The following APLF variants were observed in gnomAD, a reference collection of about 807,000 sequenced individuals.
APLF encodes the protein aprataxin and PNKP like factor, also known as aprataxin and PNK-like factor.
APLF carries 61 observed loss-of-function variants against 55.6 expected under a neutral mutation model. That is an observed-to-expected ratio of 1.10 (90% confidence interval 0.89 to 1.36). The LOEUF (loss-of-function observed/expected upper bound fraction) is 1.36, where lower values mean the gene tolerates loss of function less well. APLF is among the 40% of genes most tolerant of loss of function. The probability of loss-of-function intolerance (pLI) is 0.00; values close to 1 mark genes in which losing one functional copy is unlikely to be tolerated. For missense variants in APLF, 611 were observed against 602.5 expected, an observed-to-expected ratio of 1.01 and a Z score of -0.15; for synonymous variants, 207 against 214.8, an observed-to-expected ratio of 0.96 and a Z score of 0.32.
At position 68,502,124 on chromosome 2, in the gene APLF, A is replaced by G. The variant is rs145646923; in HGVS notation, c.169-607A>G. On this transcript the variant is annotated intron_variant, in intron 2 of 9. Coordinates refer to ENST00000303795, the MANE Select transcript of APLF (RefSeq NM_173545.3). Reference sequence around the variant, plus strand: ...CCGAGATAATGAATCCACTCTTGTGATAATGTCATTAATCCATTCATGAGG... The same window carrying G: ...CCGAGATAATGAATCCACTCTTGTGGTAATGTCATTAATCCATTCATGAGG... Among the ~76,000 whole-genome samples the G allele has an allele frequency of 3.3e-3, 510 of 152,274 alleles. 5 individuals carry two copies. Among genetic ancestry groups the G allele is most frequent in the Middle Eastern group, 3.4e-3 (1 of 294 alleles).
Position 68,485,171 on chromosome 2 carries a change from G to A in APLF, c.97-5019G>A, listed in dbSNP as rs141662579. Among the ~76,000 whole-genome samples, 657 of 151,892 alleles carry A rather than the reference G, an allele frequency of 4.3e-3. 3 individuals are homozygous for A. The highest frequency in any genetic ancestry group is 0.015 in the African/African-American group (622 of 41,360). On this transcript the variant is annotated intron_variant, in intron 1 of 9. Coordinates refer to ENST00000303795, the MANE Select transcript of APLF (RefSeq NM_173545.3). ...TATCCCATACTCGGTTTTGTACATC[G>A]TTTTCAATAATGCACTTTTTGCATT...
At chr2:68,566,418 G>A (rs1167048677) in intron 8 of APLF, among the ~76,000 whole-genome samples, 2 of 152,062 alleles carry the variant, frequency 1.3e-5, no homozygotes, top group Admixed American at 6.6e-5. Flanking sequence ...GGGCAAGAAT[G>A]TGTATCTGGT....
intron 9 of APLF, among the ~76,000 whole-genome samples, chr2:68,577,020 A>T (rs1671645408): frequency 1.3e-5 from 2 of 152,152 alleles, no homozygotes; most frequent in Non-Finnish European, 2.9e-5. Context: ...TTGGAGACAG[A>T]AGAATTCTAG....
In APLF at chr2:68,467,593, C is replaced by G. The variant is rs1029971686; in HGVS notation, c.-139C>G. ...CGCTGGGGCCGGGCTCTGAGAGGAC[C>G]GGCGCAGCCGCGGGGAGCCTTTGAG... is the stretch of plus-strand genomic sequence containing the variant. On this transcript the variant is annotated 5_prime_UTR_variant, in exon 1 of 10. Coordinates refer to ENST00000303795, the MANE Select transcript of APLF (RefSeq NM_173545.3). 4.9e-6 allele frequency: 3 copies of G among 617,848 alleles called. No homozygotes were observed. Among genetic ancestry groups the G allele is most frequent in the African/African-American group, 3.8e-5 (2 of 52,510 alleles). The allele number at this position is 617,848 out of a possible 1,614,324, so 38.3% of individuals were successfully genotyped here. A position where few individuals can be genotyped will look rare whatever the true frequency, so the allele number is the denominator to read the frequency against.
At chr2:68,512,450 A>G (rs1268291088) in intron 3 of APLF, among the ~76,000 whole-genome samples, 2 of 151,818 alleles carry the variant, frequency 1.3e-5, no homozygotes, top group Non-Finnish European at 2.9e-5. Context: ...TCGTTGGATC[A>G]TGTCTATGCA....
intron 6 of APLF, among the ~76,000 whole-genome samples, chr2:68,530,035 G>A (rs1456870372): frequency 5.3e-5 from 8 of 152,328 alleles, no homozygotes; most frequent in South Asian, 2.1e-4. Context: ...AAGAGAGGAC[G>A]CGGTGCCCTG....
intron 5 of APLF, among the ~76,000 whole-genome samples, chr2:68,518,450 A>G (rs1453848233): frequency 2.6e-5 from 3 of 113,670 alleles, no homozygotes; most frequent in East Asian, 2.5e-4. Flanking sequence ...ATAATAATAT[A>G]TTATATATTA....
At chr2:68,561,511 A>G (rs911437023) in intron 8 of APLF, among the ~76,000 whole-genome samples, 8 of 152,136 alleles carry the variant, frequency 5.3e-5, no homozygotes, top group Non-Finnish European at 7.4e-5. Context: ...TTGATTGACT[A>G]GAGCTAAGTG....
intron 5 of APLF, among the ~76,000 whole-genome samples, chr2:68,516,849 A>G (rs1056807283): frequency 2.9e-5 from 4 of 136,450 alleles, no homozygotes; most frequent in Middle Eastern, 3.6e-3. Context: ...ATCACGTTTT[A>G]TATATATAAT....
rs1295432343 is a variant in APLF at position 68,567,394 on chromosome 2, A to G, written c.1333+7A>G. 1.3e-6 allele frequency: 2 copies of G among 1,592,146 alleles called. No homozygotes were observed. The highest frequency in any genetic ancestry group is 1.7e-6 in the Non-Finnish European group (2 of 1,168,434). On this transcript the variant is annotated splice_region_variant and intron_variant, in intron 9 of 9. Coordinates refer to ENST00000303795, the MANE Select transcript of APLF (RefSeq NM_173545.3). ...AGACATAATACGCTTCCAGGTAAGT[A>G]AGTTTACTTCAGAAAATTCAAAATG... is the stretch of plus-strand genomic sequence containing the variant.
intron 1 of APLF, among the ~76,000 whole-genome samples, chr2:68,483,030 T>C (rs1676014303): frequency 6.6e-6 from 1 of 151,772 alleles, no homozygotes; most frequent in Admixed American, 6.5e-5. Context: ...CTGGAGTCAT[T>C]GCATTACAGT....
At chr2:68,526,292 G>C (rs779023996) in intron 6 of APLF, 50 bp downstream of exon 6, 5 of 1,555,782 alleles carry the variant, frequency 3.2e-6, no homozygotes, top group African/African-American at 2.8e-5. Flanking sequence ...AGGTGTTTTA[G>C]ATAGAAATTA....
chr2:68,498,262 G>A (rs1463886408), intron 2 of APLF, among the ~76,000 whole-genome samples: 1 of 152,090 alleles, frequency 6.6e-6, no homozygotes, highest in Non-Finnish European at 1.5e-5. Flanking sequence ...AATGTCAAGA[G>A]GGAAATTTTA....
chr2:68,513,185 C>T lies in APLF; in HGVS notation c.447C>T (p.Ser149=), dbSNP rs1290981195. 1 of 1,610,830 alleles carries T rather than the reference C, an allele frequency of 6.2e-7. No homozygotes were observed. Among genetic ancestry groups the T allele is most frequent in the African/African-American group, 1.3e-5 (1 of 74,826 alleles). Residue 149 remains serine (S), a synonymous_variant, in exon 4 of 10, where the codon AGC becomes AGT. Coordinates refer to ENST00000303795, the MANE Select transcript of APLF (RefSeq NM_173545.3). ...ETTGASQLEG[S]TEIAKTQMTP... is the part of the protein sequence containing the mutation. ...CTGGTGCCTCACAACTGGAAGGAAGCACAGAAATAGCCAAGACCCAGATGA... is the reference window on the plus strand; with the variant it reads ...CTGGTGCCTCACAACTGGAAGGAAGTACAGAAATAGCCAAGACCCAGATGA...
chr2:68,516,597 T>A (rs1435618558), intron 5 of APLF, among the ~76,000 whole-genome samples: 3 of 150,716 alleles, frequency 2.0e-5, no homozygotes, highest in African/African-American at 7.3e-5. Flanking sequence ...TCCCCGACCC[T>A]TCCTCCCAAG....
At chr2:68,528,463 C>T in intron 6 of APLF, 10 of 1,534,214 alleles carry the variant, frequency 6.5e-6, no homozygotes, top group Non-Finnish European at 8.7e-6. Context: ...GGGTTGGTTG[C>T]AGCTGCAGTG....
chr2:68,558,041 GA>G (rs1339679067), intron 8 of APLF, among the ~76,000 whole-genome samples: 9 of 151,962 alleles, frequency 5.9e-5, no homozygotes, highest in Non-Finnish European at 1.0e-4. Flanking sequence ...TATGATCTTG[GA>G]AAAAAACTAT....
intron 1 of APLF, among the ~76,000 whole-genome samples, chr2:68,479,753 T>C (rs1010219193): frequency 2.0e-5 from 3 of 152,192 alleles, no homozygotes; most frequent in African/African-American, 7.2e-5. Context: ...CAAGTTATCA[T>C]GTATTTTCAT....
intron 8 of APLF, among the ~76,000 whole-genome samples, chr2:68,565,758 T>C (rs189822096): frequency 6.6e-6 from 1 of 152,250 alleles, no homozygotes; most frequent in African/African-American, 2.4e-5. Context: ...TTAAACACAC[T>C]ATACTTTTTT....
Sources: allele counts gnomAD v4.1 joint callset (sites outside exome capture counted in the v4.1 genomes callset), GRCh38; gene constraint gnomAD v4.1.1; transcripts MANE v1.5; gene names NCBI Gene and HGNC (gene_info 2026-07-23, HGNC 2026-07-21).